PPFIBP1: variants seen among roughly 807,000 people sequenced by gnomAD.
PPFIBP1 encodes liprin-beta-1.
PPFIBP1 carries 112 observed loss-of-function variants against 137.8 expected under a neutral mutation model. The observed-to-expected ratio is 0.81, with a 90% CI of 0.70 to 0.95. The LOEUF (loss-of-function observed/expected upper bound fraction) is 0.95, where lower values mean the gene tolerates loss of function less well. Among genes scored for constraint, PPFIBP1 ranks in the 40% least tolerant of loss-of-function variants. PPFIBP1 has a pLI of 0.00. For synonymous variants in PPFIBP1, 378 were observed against 417.3 expected, an observed-to-expected ratio of 0.91 and a Z score of 1.15; for missense variants, 1,083 against 1,196.6, an observed-to-expected ratio of 0.91 and a Z score of 1.40.
Position 27,679,583 on chromosome 12 carries a change from G to A in PPFIBP1, c.1710G>A (p.Pro570=), listed in dbSNP as rs370509537. The change falls in exon 20 of 30, where the codon CCG becomes CCA. Residue 570 remains proline, a synonymous_variant. Transcript: ENST00000228425. Reference sequence around the variant, plus strand: ...AGAGGAACAGTCCCTTCCAGATACCGCCTCCATCTCCAGATTCCAAAAAGA... The same window carrying A: ...AGAGGAACAGTCCCTTCCAGATACCACCTCCATCTCCAGATTCCAAAAAGA... The part of the protein sequence containing the change: ...DSQRNSPFQI[P]PPSPDSKKKS... 26 of 1,613,658 alleles carry A rather than the reference G, an allele frequency of 1.6e-5. No homozygotes were observed. Among genetic ancestry groups the A allele is most frequent in the Middle Eastern group, 1.6e-4 (1 of 6,084 alleles).
At chr12:27,587,890 T>C (rs539167993) in intron 2 of PPFIBP1, among the ~76,000 whole-genome samples, 1 of 152,284 alleles carries the variant, frequency 6.6e-6, no homozygotes, top group East Asian at 1.9e-4. Flanking sequence ...TTTGTTTTGC[T>C]TTTGGTTTTG....
At chr12:27,603,287 T>C (rs539876731) in intron 2 of PPFIBP1, among the ~76,000 whole-genome samples, 1 of 152,302 alleles carries the variant, frequency 6.6e-6, no homozygotes, top group Non-Finnish European at 1.5e-5. Context: ...ATAGAGATGA[T>C]AATGTTGTCT....
In PPFIBP1 at chr12:27,621,665, T is replaced by C. The variant is rs372769323; in HGVS notation, c.-35-11697T>C. ...TCCTCTTACTGTATGGCCAAGAGTGTAACTGACACCCAGTTGGAATAGAAA... is the reference window on the plus strand; with the variant it reads ...TCCTCTTACTGTATGGCCAAGAGTGCAACTGACACCCAGTTGGAATAGAAA... On this transcript the variant is annotated intron_variant, in intron 2 of 29. Transcript: ENST00000228425. Among the ~76,000 whole-genome samples the C allele has an allele frequency of 5.1e-4, 78 of 152,306 alleles. No homozygotes were observed. The South Asian group carries it at 0.015, about 30-fold the overall frequency.
chr12:27,590,680 A>T (rs1255967328), intron 2 of PPFIBP1, among the ~76,000 whole-genome samples: 10 of 152,190 alleles, frequency 6.6e-5, no homozygotes, highest in Admixed American at 6.5e-4. Flanking sequence ...TAGTAACCCT[A>T]GAGCAGGTTC....
chr12:27,562,021 C>G (rs1592479789), intron 1 of PPFIBP1, among the ~76,000 whole-genome samples: 1 of 152,108 alleles, frequency 6.6e-6, no homozygotes, highest in African/African-American at 2.4e-5. Flanking sequence ...GCACTCCAGT[C>G]TGGGCAACAG....
intron 2 of PPFIBP1, among the ~76,000 whole-genome samples, chr12:27,614,874 T>C (rs1368791329): frequency 6.6e-6 from 1 of 152,242 alleles, no homozygotes; most frequent in Non-Finnish European, 1.5e-5. Context: ...AAATGACAAT[T>C]GCTATTAATT....
At chr12:27,601,158 A>G (rs980330087) in intron 2 of PPFIBP1, among the ~76,000 whole-genome samples, 1 of 152,158 alleles carries the variant, frequency 6.6e-6, no homozygotes, top group African/African-American at 2.4e-5. Flanking sequence ...TATGTATTTT[A>G]CCAGTAAAAA....
intron 11 of PPFIBP1, 24 bp downstream of exon 11, chr12:27,660,969 A>G (rs1593205909): frequency 6.2e-7 from 1 of 1,610,236 alleles, no homozygotes; most frequent in Non-Finnish European, 8.5e-7. Context: ...ATTTAAATAT[A>G]CGTGTGGATG....
chr12:27,614,479 C>T (rs1038280257), intron 2 of PPFIBP1, among the ~76,000 whole-genome samples: 8 of 152,202 alleles, frequency 5.3e-5, no homozygotes, highest in African/African-American at 1.9e-4. Context: ...ACTTGGTGAG[C>T]TCCTGAATAG....
intron 1 of PPFIBP1, among the ~76,000 whole-genome samples, chr12:27,567,417 C>T (rs10743603): frequency 0.69 from 104,520 of 152,122 alleles, 35,978 homozygotes; most frequent in African/African-American, 0.72. Context: ...ATAGAAATTC[C>T]TCTCCCTAGC....
At chr12:27,669,590 G>A (rs1189631532) in intron 13 of PPFIBP1, among the ~76,000 whole-genome samples, 1 of 152,112 alleles carries the variant, frequency 6.6e-6, no homozygotes, top group South Asian at 2.1e-4. Flanking sequence ...CAAGAAAATT[G>A]ATCTGTTAGT....
At chr12:27,533,684 A>G (rs1157885931) in intron 1 of PPFIBP1, among the ~76,000 whole-genome samples, 1 of 152,212 alleles carries the variant, frequency 6.6e-6, no homozygotes, top group African/African-American at 2.4e-5. Flanking sequence ...GGACTAATGG[A>G]TCATCTCTAT....
chr12:27,668,428 ATAG>A (rs2059991345), intron 13 of PPFIBP1, among the ~76,000 whole-genome samples: 5 of 152,208 alleles, frequency 3.3e-5, no homozygotes, highest in Non-Finnish European at 7.3e-5. Flanking sequence ...TCACCAGTCC[ATAG>A]CAATTCCAAA....
intron 1 of PPFIBP1, among the ~76,000 whole-genome samples, chr12:27,576,590 G>C (rs527428659): frequency 1.8e-4 from 27 of 152,254 alleles, no homozygotes; most frequent in African/African-American, 6.3e-4. Context: ...GCTCAGACCC[G>C]GACTGACCTC....
At chr12:27,657,521 T>A (rs1482582427) in intron 9 of PPFIBP1, among the ~76,000 whole-genome samples, 1 of 151,436 alleles carries the variant, frequency 6.6e-6, no homozygotes, top group Non-Finnish European at 1.5e-5. Context: ...TAGCGTAGCT[T>A]TGTTACATTT....
In PPFIBP1 at chr12:27,679,486, T is replaced by C. The variant is rs775474614; in HGVS notation, c.1616-3T>C. On this transcript the variant is annotated splice_region_variant and splice_polypyrimidine_tract_variant and intron_variant, in intron 19 of 29. Coordinates refer to ENST00000228425, the MANE Select transcript of PPFIBP1 (RefSeq NM_003622.4). ...CATTGTCTGCATTCTGCTCTTGGAG[T>C]AGCTGAAACAGAAAAAGAGACAGCA... 4 of 1,606,022 alleles carry C rather than the reference T, an allele frequency of 2.5e-6. No individual in the cohort carries two copies. The highest frequency in any genetic ancestry group is 3.4e-6 in the Non-Finnish European group (4 of 1,177,872).
chr12:27,664,438 G>A lies in PPFIBP1; in HGVS notation c.983G>A (p.Gly328Asp). 6.2e-7 allele frequency: 1 copy of A among 1,609,146 alleles called. No homozygotes were observed. The highest frequency in any genetic ancestry group is 1.1e-5 in the South Asian group (1 of 90,666). The change falls in exon 12 of 30, where the codon GGT (glycine) becomes GAT (aspartate). Residue 328 changes from glycine (G) to aspartate (D), a missense_variant. Gly to Asp is a moderately conservative substitution (Grantham distance 94). Transcript: ENST00000228425. Reference sequence around the variant, plus strand: ...CAAGACACGGTGGTACTGGCCCAAGGTAAAAAAGGTAGAGTGTAGCTCTAA... The same window carrying A: ...CAAGACACGGTGGTACTGGCCCAAGATAAAAAAGGTAGAGTGTAGCTCTAA... ...KMQDTVVLAQGKKGKDGEYEE... is the reference protein window; with the variant it reads ...KMQDTVVLAQDKKGKDGEYEE...
At chr12:27,629,135 A>G (rs1317088499) in intron 2 of PPFIBP1, among the ~76,000 whole-genome samples, 1 of 152,224 alleles carries the variant, frequency 6.6e-6, no homozygotes, top group Non-Finnish European at 1.5e-5. Context: ...CCTCAGTTAG[A>G]AGCTAAACGG....
At chr12:27,578,108 T>G (rs1476659946) in intron 1 of PPFIBP1, 44 bp from the exon 2 acceptor site, 2 of 152,224 alleles carry the variant, frequency 1.3e-5, no homozygotes, top group Non-Finnish European at 2.9e-5. Flanking sequence ...TTTTCTGATG[T>G]GCTATAATTT....
Sources: allele counts gnomAD v4.1 joint callset (sites outside exome capture counted in the v4.1 genomes callset), GRCh38; gene constraint gnomAD v4.1.1; transcripts MANE v1.5; gene names NCBI Gene and HGNC (gene_info 2026-07-23, HGNC 2026-07-21).